Variants in STX8 observed in about 807,000 individuals in gnomAD.
The protein encoded by STX8 is syntaxin 8.
STX8 carries 23 observed loss-of-function variants against 37.5 expected under a neutral mutation model. The observed-to-expected ratio is 0.61, with a 90% CI of 0.44 to 0.87. The LOEUF is 0.87. STX8 is among the 40% of genes least tolerant of loss of function. The probability of loss-of-function intolerance (pLI) is 0.00; values close to 1 mark genes in which losing one functional copy is unlikely to be tolerated. For missense variants in STX8, 313 were observed against 284.7 expected (o/e 1.10, Z -0.71); for synonymous variants, 115 against 99.1 (o/e 1.16, Z -0.95).
chr17:9,539,670 C>G (rs1038560275), intron 4 of STX8, among the ~76,000 whole-genome samples: 21 of 151,908 alleles, frequency 1.4e-4, no homozygotes, highest in Non-Finnish European at 2.4e-4. Flanking sequence ...CTGACCCCCC[C>G]CACCCCAAAA....
At chr17:9,292,104 C>G (rs1908330643) in intron 7 of STX8, among the ~76,000 whole-genome samples, 1 of 152,236 alleles carries the variant, frequency 6.6e-6, no homozygotes, top group Non-Finnish European at 1.5e-5. Context: ...GCTGCTGGAG[C>G]TGGGGCAGAG....
At chr17:9,302,431 A>T (rs1051851649) in intron 7 of STX8, among the ~76,000 whole-genome samples, 5 of 152,146 alleles carry the variant, frequency 3.3e-5, no homozygotes, top group African/African-American at 1.2e-4. Flanking sequence ...GCATTCCTTA[A>T]GTTGGCTTAA....
chr17:9,441,592 C>T (rs1418356896), intron 6 of STX8, among the ~76,000 whole-genome samples: 1 of 152,044 alleles, frequency 6.6e-6, no homozygotes, highest in Non-Finnish European at 1.5e-5. Context: ...CTTCACAACA[C>T]CCTTCCTGTA....
At chr17:9,547,112 G>A (rs1027440821) in intron 3 of STX8, among the ~76,000 whole-genome samples, 81 of 151,918 alleles carry the variant, frequency 5.3e-4, no homozygotes, top group African/African-American at 1.8e-3. Flanking sequence ...GCCAGGCGTG[G>A]TGGCGTGCGC....
chr17:9,502,475 A>T (rs898850042), intron 5 of STX8, among the ~76,000 whole-genome samples: 1 of 152,250 alleles, frequency 6.6e-6, no homozygotes, highest in African/African-American at 2.4e-5. Context: ...GAGCTTATAC[A>T]TAAGTTAATT....
At chr17:9,492,781 T>C (rs1567584807) in intron 5 of STX8, among the ~76,000 whole-genome samples, 1 of 152,018 alleles carries the variant, frequency 6.6e-6, no homozygotes, top group Non-Finnish European at 1.5e-5. Context: ...AGATCTCACC[T>C]CTAGAAAATT....
At chr17:9,434,917 G>C (rs1041313533) in intron 6 of STX8, among the ~76,000 whole-genome samples, 7 of 152,164 alleles carry the variant, frequency 4.6e-5, no homozygotes, top group African/African-American at 1.7e-4. Context: ...TGTTGCCACG[G>C]CATTTGTAAA....
chr17:9,520,335 G>A (rs1905298534), intron 4 of STX8, among the ~76,000 whole-genome samples: 2 of 152,176 alleles, frequency 1.3e-5, no homozygotes, highest in African/African-American at 4.8e-5. Flanking sequence ...TACTTGAAAG[G>A]GAATTTGGTC....
rs1567607428 is a variant in STX8, at chr17:9,551,645, G to GGCTAGTCCTGTGAAGA, written c.212+5773_212+5788dup. 4.6e-5 allele frequency among the ~76,000 whole-genome samples: 7 copies of GGCTAGTCCTGTGAAGA among 152,202 alleles called. No individual in the cohort carries two copies. The South Asian group carries it at 1.0e-3, about 23-fold the overall frequency. The stretch of plus-strand genomic sequence containing the variant: ...TTATTCAACACCCACCATTATGGGG[G>GGCTAGTCCTGTGAAGA]GCTAGTCCTGTGAAGAAAAAAGATT... On this transcript the variant is annotated intron_variant, in intron 3 of 7. Coordinates refer to ENST00000306357, the MANE Select transcript of STX8 (RefSeq NM_004853.3).
intron 5 of STX8, among the ~76,000 whole-genome samples, chr17:9,494,025 G>GT (rs1906977060): frequency 6.7e-6 from 1 of 149,026 alleles, no homozygotes; most frequent in Non-Finnish European, 1.5e-5. Flanking sequence ...TGTTGTTGTT[G>GT]TTGTTTTTGA....
intron 6 of STX8, among the ~76,000 whole-genome samples, chr17:9,386,511 A>G (rs1275219314): frequency 1.3e-5 from 2 of 152,120 alleles, no homozygotes; most frequent in African/African-American, 4.8e-5. Flanking sequence ...ACAGCTGTCA[A>G]AACACACAGA....
intron 4 of STX8, among the ~76,000 whole-genome samples, chr17:9,523,460 A>G (rs554622492): frequency 6.6e-6 from 1 of 152,282 alleles, no homozygotes; most frequent in South Asian, 2.1e-4. Flanking sequence ...CTTATATAAT[A>G]TGAGGGAGTT....
intron 6 of STX8, among the ~76,000 whole-genome samples, chr17:9,465,249 AC>A (rs1239859217): frequency 1.3e-5 from 2 of 152,102 alleles, no homozygotes; most frequent in Non-Finnish European, 2.9e-5. Flanking sequence ...AGTGATTTAA[AC>A]AGCTCTAGTG....
chr17:9,463,404 C>T (rs947650948), intron 6 of STX8, among the ~76,000 whole-genome samples: 1 of 152,228 alleles, frequency 6.6e-6, no homozygotes, highest in Non-Finnish European at 1.5e-5. Flanking sequence ...TCCCTGCAAT[C>T]TATTCCATTG....
intron 3 of STX8, chr17:9,553,044 A>G (rs538328839): frequency 2.6e-5 from 4 of 152,220 alleles, no homozygotes; most frequent in Admixed American, 6.5e-5. Context: ...TCTCTTTAAA[A>G]TAAGTAAAGG....
chr17:9,394,654 C>T (rs954470285), intron 6 of STX8, among the ~76,000 whole-genome samples: 1 of 151,690 alleles, frequency 6.6e-6, no homozygotes. Flanking sequence ...CGTGAGCCAC[C>T]GCGCCTGGCC....
At chr17:9,375,609 C>T (rs1292392913) in intron 7 of STX8, among the ~76,000 whole-genome samples, 2 of 152,168 alleles carry the variant, frequency 1.3e-5, no homozygotes, top group Admixed American at 1.3e-4. Flanking sequence ...AATACCAGTA[C>T]TTGCTCACCG....
At chr17:9,552,819 A>G (rs1906822907) in intron 3 of STX8, 1 of 151,284 alleles carries the variant, frequency 6.6e-6, no homozygotes. Context: ...CGCCCGGCTA[A>G]TTTTTTTTGT....
At chr17:9,315,817 G>A (rs963028596) in intron 7 of STX8, among the ~76,000 whole-genome samples, 1 of 152,118 alleles carries the variant, frequency 6.6e-6, no homozygotes, top group South Asian at 2.1e-4. Flanking sequence ...TTTGAGACCA[G>A]CCTGGGTAAC....
Sources: allele counts gnomAD v4.1 joint callset (sites outside exome capture counted in the v4.1 genomes callset), GRCh38; gene constraint gnomAD v4.1.1; transcripts MANE v1.5; gene names NCBI Gene and HGNC (gene_info 2026-07-23, HGNC 2026-07-21).